Variants in JRK observed in about 807,000 individuals in gnomAD.
JRK encodes the protein jerky protein homolog.
For synonymous variants in JRK, 303 were observed against 218.1 expected (o/e 1.39, Z -3.43); for missense variants, 720 against 509.2 (o/e 1.41, Z -3.98).
rs1417266404 is a variant in JRK, at chr8:142,665,356, T to C, written c.703A>G (p.Ile235Val). The change falls in exon 2 of 2, where the codon ATC (isoleucine) becomes GTC (valine). Residue 235 changes from isoleucine (I) to valine (V), a missense_variant. Transcript: ENST00000612905. ...TGSHRLKPLA[I>V]GKCSGPRAFK... ...GCCCTGGGACCGCTGCACTTCCCGA[T>C]GGCCAAGGGCTTGAGCCTGTGGGAG... The C allele has an allele frequency of 1.4e-6, 1 of 717,650 alleles. No homozygotes were observed. Among genetic ancestry groups the C allele is most frequent in the Non-Finnish European group, 2.6e-6 (1 of 385,086 alleles). The allele number at this position is 717,650 out of a possible 1,614,324, so 44.5% of individuals were successfully genotyped here.
At chr8:142,655,611 A>ACT (rs35328046), downstream of JRK, among the ~76,000 whole-genome samples, 90,488 of 151,792 alleles carry the variant, frequency 0.6, 28,255 homozygotes, top group Admixed American at 0.69. Context: ...CGGACTCCAA[A>ACT]CTGTGTCCCT....
chr8:142,665,270 G>C lies in JRK; in HGVS notation c.789C>G (p.Asp263Glu), dbSNP rs1399777553. Residue 263 changes from aspartate to glutamate, a missense_variant, in exon 2 of 2, where the codon GAC becomes GAG. By Grantham distance (45) the Asp-to-Glu change is conservative. Transcript: ENST00000612905. ...AYKAQGNAWV[D>E]KEIFSDWFHH... ...GGAACCAATCGGAAAAAATCTCCTT[G>C]TCCACCCAGGCGTTCCCCTGGGCCT... The C allele has an allele frequency of 1.4e-6, 1 of 717,864 alleles. No individual in the cohort carries two copies. The allele number at this position is 717,864 out of a possible 1,614,324, so 44.5% of individuals were successfully genotyped here.
Position 142,665,966 on chromosome 8 carries a change from G to T in JRK, c.93C>A (p.Arg31=). Residue 31 remains arginine, a synonymous_variant, in exon 2 of 2, where the codon CGC becomes CGA. Transcript: ENST00000612905. Reference sequence around the variant, plus strand: ...CCTTCCGGCTCTCGCCCTTCTCCAGGCGCGTGCAGATGTCAATCTTCTCCT... The same window carrying T: ...CCTTCCGGCTCTCGCCCTTCTCCAGTCGCGTGCAGATGTCAATCTTCTCCT... ...TLKEKIDICT[R]LEKGESRKAL... 9.7e-7 allele frequency: 1 copy of T among 1,032,634 alleles called. No individual in the cohort carries two copies. Among genetic ancestry groups the T allele is most frequent in the Non-Finnish European group, 1.5e-6 (1 of 649,080 alleles). 64.0% of individuals were successfully genotyped at this position (1,032,634 alleles called of 1,614,324 possible).
Position 142,659,334 on chromosome 8 carries a change from C to A in JRK, c.*5018G>T. The A allele has an allele frequency of 3.0e-6, 3 of 998,774 alleles. No homozygotes were observed. The highest frequency in any genetic ancestry group is 3.6e-6 in the Non-Finnish European group (3 of 838,224). 61.9% of individuals were successfully genotyped at this position (998,774 alleles called of 1,614,324 possible). A position where few individuals can be genotyped will look rare whatever the true frequency, so the allele number is the denominator to read the frequency against. ...CAGACCATGCTGACACTGGGCAACA[C>A]ATTCCCTGCTCTGGACCTCAGTTCC... is the stretch of plus-strand genomic sequence containing the variant. On this transcript the variant is annotated 3_prime_UTR_variant, in exon 2 of 2. Coordinates refer to ENST00000612905, the MANE Select transcript of JRK (RefSeq NM_003724.4).
At position 142,664,569 on chromosome 8, in the gene JRK, A is replaced by G. The variant is rs1231004865; in HGVS notation, c.1490T>C (p.Val497Ala). The change falls in exon 2 of 2, where the codon GTC becomes GCC. Residue 497 changes from valine to alanine, a missense_variant. Val to Ala is a moderately conservative substitution (Grantham distance 64). Coordinates refer to ENST00000612905, the MANE Select transcript of JRK (RefSeq NM_003724.4). ...TGGCTGCCGCTCCGCAAAGCGCAGG[A>G]CTGCGTCAAAGGCCACGGCCGCCTG... ...WEQAAVAFDA[V>A]LRFAERQPCF... 1 of 1,608,472 alleles carries G rather than the reference A, an allele frequency of 6.2e-7. No homozygotes were observed. Among genetic ancestry groups the G allele is most frequent in the African/African-American group, 1.3e-5 (1 of 74,822 alleles).
At chr8:142,657,325 G>A (rs1846774370), downstream of JRK, 1 of 152,816 alleles carries the variant, frequency 6.5e-6, no homozygotes, top group Admixed American at 6.5e-5. Flanking sequence ...AGACACAGTG[G>A]TGGGGAGGCA....
downstream of JRK, among the ~76,000 whole-genome samples, chr8:142,655,471 T>A (rs1846730736): frequency 6.6e-6 from 1 of 152,146 alleles, no homozygotes; most frequent in Non-Finnish European, 1.5e-5. Context: ...CACATCCACC[T>A]CAGCACAGCA....
the JRK span, among the ~76,000 whole-genome samples, chr8:142,645,465 G>C: frequency 6.6e-6 from 1 of 152,102 alleles, no homozygotes; most frequent in Non-Finnish European, 1.5e-5. Context: ...GGATCACGAG[G>C]TCAGGAGATC....
At chr8:142,647,242 A>G in the JRK span, among the ~76,000 whole-genome samples, 1 of 152,192 alleles carries the variant, frequency 6.6e-6, no homozygotes, top group African/African-American at 2.4e-5. Flanking sequence ...AAACCATATG[A>G]TGCTTTTACA....
chr8:142,649,340 C>T, the JRK span, among the ~76,000 whole-genome samples: 1 of 152,154 alleles, frequency 6.6e-6, no homozygotes, highest in Non-Finnish European at 1.5e-5. Context: ...TGAATTCCCA[C>T]GTGTTGTGGG....
rs1433120973 is a variant in JRK, at chr8:142,662,799, C to A, written c.*1553G>T. 2 of 985,302 alleles carry A rather than the reference C, an allele frequency of 2.0e-6. No homozygotes were observed. Among genetic ancestry groups the A allele is most frequent in the Non-Finnish European group, 2.4e-6 (2 of 829,850 alleles). The allele number at this position is 985,302 out of a possible 1,614,324, so 61.0% of individuals were successfully genotyped here. On this transcript the variant is annotated 3_prime_UTR_variant, in exon 2 of 2. Coordinates refer to ENST00000612905, the MANE Select transcript of JRK (RefSeq NM_003724.4). ...GAATGCAAACTACGTGCTGACTCGG[C>A]CAAATGATATGAATTTAAGAGAGGA... is the stretch of plus-strand genomic sequence containing the variant.
intron 1 of JRK, among the ~76,000 whole-genome samples, chr8:142,667,910 C>T (rs1474763246): frequency 6.6e-6 from 1 of 152,252 alleles, no homozygotes; most frequent in Non-Finnish European, 1.5e-5. Flanking sequence ...ACTGGCAGGG[C>T]ACAGAGGGCG....
chr8:142,665,371 G>C lies in JRK; in HGVS notation c.688C>G (p.Leu230Val), dbSNP rs782451051. The C allele has an allele frequency of 8.4e-6, 6 of 717,524 alleles. No homozygotes were observed. The highest frequency in any genetic ancestry group is 2.3e-4 in the Middle Eastern group (1 of 4,394). 44.4% of individuals were successfully genotyped at this position (717,524 alleles called of 1,614,324 possible). ...CACTTCCCGATGGCCAAGGGCTTGA[G>C]CCTGTGGGAGCCCGTGGCGTTGGCA... The part of the protein sequence containing the change: ...MCANATGSHR[L>V]KPLAIGKCSG... Residue 230 changes from leucine (L) to valine (V), a missense_variant, in exon 2 of 2, where the codon CTC becomes GTC. Coordinates refer to ENST00000612905, the MANE Select transcript of JRK (RefSeq NM_003724.4).
the JRK span, among the ~76,000 whole-genome samples, chr8:142,651,197 C>T: frequency 1.3e-5 from 2 of 152,056 alleles, no homozygotes; most frequent in African/African-American, 2.4e-5. Context: ...CATGAAGGTC[C>T]TTTAAAAACA....
chr8:142,660,816 A>G lies in JRK; in HGVS notation c.*3536T>C, dbSNP rs1425397622. On this transcript the variant is annotated 3_prime_UTR_variant, in exon 2 of 2. Transcript: ENST00000612905. ...CTGTGCCACAGCCTCCCAAGAATGG[A>G]TGCAGTCTACACCTTCTGCAAACCC... 4.1e-6 allele frequency: 4 copies of G among 985,282 alleles called. No individual in the cohort carries two copies. The highest frequency in any genetic ancestry group is 4.8e-6 in the Non-Finnish European group (4 of 830,004). The allele number at this position is 985,282 out of a possible 1,614,324, so 61.0% of individuals were successfully genotyped here.
At chr8:142,649,446 T>G in the JRK span, among the ~76,000 whole-genome samples, 90,127 of 152,106 alleles carry the variant, frequency 0.59, 28,146 homozygotes, top group Admixed American at 0.69. Flanking sequence ...GATGGTTTTT[T>G]GAAGAGAAGT....
Position 142,663,399 on chromosome 8 carries a change from A to G in JRK, c.*953T>C. 1.0e-6 allele frequency: 1 copy of G among 985,478 alleles called. No individual in the cohort carries two copies. Among genetic ancestry groups the G allele is most frequent in the South Asian group, 4.7e-5 (1 of 21,294 alleles). 61.0% of individuals were successfully genotyped at this position (985,478 alleles called of 1,614,324 possible). On this transcript the variant is annotated 3_prime_UTR_variant, in exon 2 of 2. Coordinates refer to ENST00000612905, the MANE Select transcript of JRK (RefSeq NM_003724.4). ...ACTAACGTGCTAACAGCTGGGGATA[A>G]GAGCACACATACTGCTAGAAATCTA...
chr8:142,668,722 A>G (rs1847210411), intron 1 of JRK, among the ~76,000 whole-genome samples: 1 of 151,466 alleles, frequency 6.6e-6, no homozygotes, highest in African/African-American at 2.4e-5. Flanking sequence ...TTGTTTCATA[A>G]GGAATATCTG....
Position 142,661,489 on chromosome 8 carries a change from G to A in JRK, c.*2863C>T. On this transcript the variant is annotated 3_prime_UTR_variant, in exon 2 of 2. Coordinates refer to ENST00000612905, the MANE Select transcript of JRK (RefSeq NM_003724.4). ...GGAAAGAGGTTCTATTAGCAGGCTGGAAGCAGCCACAGAGGTCCCAAACCA... is the reference window on the plus strand; with the variant it reads ...GGAAAGAGGTTCTATTAGCAGGCTGAAAGCAGCCACAGAGGTCCCAAACCA... 1 of 985,516 alleles carries A rather than the reference G, an allele frequency of 1.0e-6. No individual in the cohort carries two copies. Among genetic ancestry groups the A allele is most frequent in the Non-Finnish European group, 1.2e-6 (1 of 829,992 alleles). 61.0% of individuals were successfully genotyped at this position (985,516 alleles called of 1,614,324 possible).
Sources: allele counts gnomAD v4.1 joint callset (sites outside exome capture counted in the v4.1 genomes callset), GRCh38; gene constraint gnomAD v4.1.1; transcripts MANE v1.5; gene names NCBI Gene and HGNC (gene_info 2026-07-23, HGNC 2026-07-21).